The following CDH13 variants were observed in gnomAD, a reference collection of about 807,000 sequenced individuals.
CDH13 encodes the protein cadherin-13.
A neutral mutation model predicts 63.8 loss-of-function variants in CDH13; 24 were observed. The observed-to-expected ratio is 0.38, with a 90% CI of 0.27 to 0.53. The LOEUF is 0.53. Ranked by LOEUF, CDH13 falls within the 20% of genes least tolerant of loss-of-function variation. The pLI is 0.85. For missense variants in CDH13, 1,049 were observed against 903.1 expected, an observed-to-expected ratio of 1.16 and a Z score of -2.07; for synonymous variants, 503 against 355.3, an observed-to-expected ratio of 1.42 and a Z score of -4.67.
At chr16:83,522,108 G>C (rs1185607756) in intron 7 of CDH13, among the ~76,000 whole-genome samples, 1 of 152,182 alleles carries the variant, frequency 6.6e-6, no homozygotes, top group Non-Finnish European at 1.5e-5. Flanking sequence ...GCAGAGTGCA[G>C]GTCCAGCTCT....
chr16:83,583,781 G>A (rs1905865415), intron 7 of CDH13, among the ~76,000 whole-genome samples: 1 of 151,996 alleles, frequency 6.6e-6, no homozygotes, highest in South Asian at 2.1e-4. Flanking sequence ...GCCGGGCATG[G>A]TGGCATGAGC....
chr16:82,837,180 C>T (rs980165351), intron 1 of CDH13, among the ~76,000 whole-genome samples: 10 of 152,180 alleles, frequency 6.6e-5, no homozygotes, highest in South Asian at 2.1e-4. Context: ...AGTTAGGCCA[C>T]GTGGATTTTC....
At chr16:83,417,524 C>T (rs1473498324) in intron 6 of CDH13, among the ~76,000 whole-genome samples, 1 of 152,160 alleles carries the variant, frequency 6.6e-6, no homozygotes, top group East Asian at 1.9e-4. Context: ...TTATCCTGCT[C>T]ACTGACACCT....
intron 4 of CDH13, among the ~76,000 whole-genome samples, chr16:83,182,712 T>C (rs2038384664): frequency 6.6e-6 from 1 of 152,224 alleles, no homozygotes; most frequent in African/African-American, 2.4e-5. Flanking sequence ...TCATTTAATC[T>C]TCACTTAGGA....
intron 10 of CDH13, among the ~76,000 whole-genome samples, chr16:83,727,910 C>T (rs114324910): frequency 6.6e-6 from 1 of 152,118 alleles, no homozygotes; most frequent in Non-Finnish European, 1.5e-5. Context: ...CTCAAAGGAG[C>T]TTTTGGGATT....
intron 6 of CDH13, among the ~76,000 whole-genome samples, chr16:83,442,156 A>G (rs2072497295): frequency 6.6e-6 from 1 of 152,160 alleles, no homozygotes; most frequent in African/African-American, 2.4e-5. Context: ...CCTGCGTCTT[A>G]GCTCTGGGTT....
chr16:83,651,914 G>A (rs1021912786), intron 8 of CDH13, among the ~76,000 whole-genome samples: 2 of 152,096 alleles, frequency 1.3e-5, no homozygotes, highest in Non-Finnish European at 2.9e-5. Flanking sequence ...TTTTTAATGT[G>A]ACAGAGTGCC....
At chr16:83,353,533 C>A (rs1436976374) in intron 6 of CDH13, among the ~76,000 whole-genome samples, 1 of 152,236 alleles carries the variant, frequency 6.6e-6, no homozygotes, top group Non-Finnish European at 1.5e-5. Flanking sequence ...ATCTAACCAA[C>A]CAACAGAACT....
Position 83,179,255 on chromosome 16 carries a change from G to T in CDH13, c.484-38090G>T, listed in dbSNP as rs183413272. Among the ~76,000 whole-genome samples the T allele has an allele frequency of 3.3e-5, 5 of 152,206 alleles. No homozygotes were observed. The East Asian group carries it at 9.7e-4, about 29-fold the overall frequency. On this transcript the variant is annotated intron_variant, in intron 4 of 13. Transcript: ENST00000567109. Reference sequence around the variant, plus strand: ...TTTCCCAGAAGACCACAGAACTTTTGTGTTCCATGCAGTGTCCCTAGCACT... The same window carrying T: ...TTTCCCAGAAGACCACAGAACTTTTTTGTTCCATGCAGTGTCCCTAGCACT...
intron 11 of CDH13, among the ~76,000 whole-genome samples, chr16:83,778,923 C>G (rs1234855585): frequency 6.6e-6 from 1 of 152,204 alleles, no homozygotes; most frequent in Non-Finnish European, 1.5e-5. Flanking sequence ...CACGGAGACT[C>G]CGTCCTCCCC....
rs893088748 is a variant in CDH13, at chr16:83,727,073, A to G, written c.1539-21035A>G. Among the ~76,000 whole-genome samples, 12 of 152,240 alleles carry G rather than the reference A, an allele frequency of 7.9e-5. No individual in the cohort carries two copies. In the East Asian group the frequency reaches 2.3e-3, roughly 29 times the overall value. On this transcript the variant is annotated intron_variant, in intron 10 of 13. Transcript: ENST00000567109. ...TCACCCATTTAAAATATACAATTCA[A>G]TGGTTTTTAGTGTAGTCACAGAGTT...
At chr16:82,663,248 G>A (rs916934436) in intron 1 of CDH13, among the ~76,000 whole-genome samples, 6 of 152,134 alleles carry the variant, frequency 3.9e-5, no homozygotes, top group Non-Finnish European at 8.8e-5. Flanking sequence ...GTGCAATGGC[G>A]CGATCTCGGC....
intron 2 of CDH13, among the ~76,000 whole-genome samples, chr16:82,899,244 A>G (rs2041375398): frequency 6.6e-6 from 1 of 152,168 alleles, no homozygotes; most frequent in Non-Finnish European, 1.5e-5. Context: ...AAATTACAGT[A>G]AGGGCAGTGT....
chr16:83,693,352 T>G (rs1288311110), intron 10 of CDH13, among the ~76,000 whole-genome samples: 1 of 152,254 alleles, frequency 6.6e-6, no homozygotes, highest in Non-Finnish European at 1.5e-5. Context: ...TTAAATTAAC[T>G]GATTCGCATT....
intron 10 of CDH13, among the ~76,000 whole-genome samples, chr16:83,732,659 G>C (rs895865035): frequency 1.2e-4 from 18 of 152,156 alleles, no homozygotes; most frequent in African/African-American, 4.3e-4. Context: ...CCCACACGTA[G>C]AAACAGCTGG....
chr16:83,014,774 A>T (rs58230438), intron 2 of CDH13, among the ~76,000 whole-genome samples: 4,751 of 35,580 alleles, frequency 0.13, 270 homozygotes, highest in Middle Eastern at 0.19. Context: ...ATATATATAT[A>T]TGTATATATA....
At chr16:82,846,413 T>C (rs1437528588) in intron 1 of CDH13, among the ~76,000 whole-genome samples, 1 of 152,166 alleles carries the variant, frequency 6.6e-6, no homozygotes, top group African/African-American at 2.4e-5. Flanking sequence ...TAACACCTAC[T>C]GTGAGCCAGT....
intron 10 of CDH13, among the ~76,000 whole-genome samples, chr16:83,698,694 G>C (rs754461618): frequency 6.6e-6 from 1 of 152,218 alleles, no homozygotes; most frequent in African/African-American, 2.4e-5. Flanking sequence ...AACAAGCCGG[G>C]TCAGTAACCC....
chr16:82,989,565 C>T (rs1158106931), intron 2 of CDH13, among the ~76,000 whole-genome samples: 1 of 152,198 alleles, frequency 6.6e-6, no homozygotes, highest in African/African-American at 2.4e-5. Context: ...TTCTCTCTGG[C>T]ACCTTCTCTA....
Sources: allele counts gnomAD v4.1 joint callset (sites outside exome capture counted in the v4.1 genomes callset), GRCh38; gene constraint gnomAD v4.1.1; transcripts MANE v1.5; gene names NCBI Gene and HGNC (gene_info 2026-07-23, HGNC 2026-07-21).